The following TMEM229B variants were observed in gnomAD, a reference collection of about 807,000 sequenced individuals.
The protein encoded by TMEM229B is transmembrane protein 229B, also known as chromosome 14 open reading frame 83.
TMEM229B carries 6 observed loss-of-function variants against 13.7 expected under a neutral mutation model. That is an observed-to-expected ratio of 0.44 (90% CI 0.24 to 0.86). The LOEUF (loss-of-function observed/expected upper bound fraction) is 0.86. Ranked by LOEUF, TMEM229B falls within the 40% of genes least tolerant of loss-of-function variation. The pLI is 0.23. For missense variants in TMEM229B, 170 were observed against 236.0 expected, an observed-to-expected ratio of 0.72 and a Z score of 1.83; for synonymous variants, 107 against 102.1, an observed-to-expected ratio of 1.05 and a Z score of -0.29.
chr14:67,492,602 C>T (rs1003435192), upstream of TMEM229B, among the ~76,000 whole-genome samples: 38 of 152,164 alleles, frequency 2.5e-4, no homozygotes, highest in Non-Finnish European at 1.3e-4. Context: ...GTTGCCTCAC[C>T]AGGGAGGCAG....
rs535773922 is a variant in TMEM229B at position 67,512,553 on chromosome 14, A to G, written c.-192+2533T>C. Among the ~76,000 whole-genome samples the G allele has an allele frequency of 4.6e-5, 7 of 152,300 alleles. No individual in the cohort carries two copies. The South Asian group carries it at 1.2e-3, about 27-fold the overall frequency. On this transcript the variant is annotated intron_variant, in intron 1 of 2. Transcript: ENST00000357461. ...AGGGAGATGGGGGAGGAGAAAAGTA[A>G]AAGCATACAAACTTGAAAACAGCCA...
upstream of TMEM229B, among the ~76,000 whole-genome samples, chr14:67,493,475 T>C (rs2032246849): frequency 6.6e-6 from 1 of 152,236 alleles, no homozygotes; most frequent in South Asian, 2.1e-4. Context: ...TTGTTCAGTG[T>C]GCTCTCGTGA....
chr14:67,487,813 T>C (rs1388821262), intron 1 of TMEM229B, among the ~76,000 whole-genome samples: 2 of 151,544 alleles, frequency 1.3e-5, no homozygotes, highest in Non-Finnish European at 1.5e-5. Flanking sequence ...AAAAATCAAG[T>C]AGAGACGGGT....
At chr14:67,496,834 G>T (rs943688397) in intron 1 of TMEM229B, among the ~76,000 whole-genome samples, 1 of 140,104 alleles carries the variant, frequency 7.1e-6, no homozygotes, top group Non-Finnish European at 1.5e-5. Context: ...TTTCATTCTT[G>T]TTGCCCAGGC....
intron 1 of TMEM229B, among the ~76,000 whole-genome samples, chr14:67,497,744 G>T (rs911337664): frequency 6.6e-6 from 1 of 151,976 alleles, no homozygotes; most frequent in Admixed American, 6.6e-5. Context: ...ACCAGGAATG[G>T]TTCAGCATTT....
At chr14:67,503,548 T>C (rs1037400823) in intron 1 of TMEM229B, 1 of 152,208 alleles carries the variant, frequency 6.6e-6, no homozygotes, top group African/African-American at 2.4e-5. Context: ...GGCTGCCCAC[T>C]GCCCTGCGGG....
rs369450683 is a variant in TMEM229B at position 67,483,199 on chromosome 14, C to T, written c.-19+3801G>A. Among the ~76,000 whole-genome samples, 6 of 152,154 alleles carry T rather than the reference C, an allele frequency of 3.9e-5. No individual in the cohort carries two copies. The South Asian group carries it at 6.2e-4, about 16-fold the overall frequency. ...CTAATTTTTGTATTTTTAGTAAAGA[C>T]GAGGTTTCACCATGTTGGCCAGGCT... On this transcript the variant is annotated intron_variant, in intron 2 of 2. Transcript: ENST00000554480.
At chr14:67,483,387 C>T (rs1363019490) in intron 2 of TMEM229B, among the ~76,000 whole-genome samples, 1 of 152,202 alleles carries the variant, frequency 6.6e-6, no homozygotes, top group Non-Finnish European at 1.5e-5. Context: ...GTCTTTGCTC[C>T]TAATCAGCAC....
chr14:67,478,855 C>G (rs1005408046), intron 2 of TMEM229B, among the ~76,000 whole-genome samples: 6 of 152,216 alleles, frequency 3.9e-5, no homozygotes, highest in Admixed American at 3.9e-4. Context: ...CTGGATTCAT[C>G]TGAACGCCAG....
At chr14:67,481,924 A>T (rs897698526) in intron 2 of TMEM229B, among the ~76,000 whole-genome samples, 1 of 152,236 alleles carries the variant, frequency 6.6e-6, no homozygotes, top group Non-Finnish European at 1.5e-5. Context: ...AGGACAGCCC[A>T]GGAACAGAAA....
chr14:67,475,768 C>A (rs1412758229), intron 2 of TMEM229B, among the ~76,000 whole-genome samples: 1 of 152,176 alleles, frequency 6.6e-6, no homozygotes, highest in Admixed American at 6.5e-5. Context: ...TCTTCAACGC[C>A]CGGCTCCCAT....
chr14:67,532,188 G>GTT (rs2140290151), intron 1 of TMEM229B, among the ~76,000 whole-genome samples: 1 of 152,240 alleles, frequency 6.6e-6, no homozygotes, highest in East Asian at 1.9e-4. Context: ...AAACTTCTAC[G>GTT]TGAGAATGGC....
intron 1 of TMEM229B, among the ~76,000 whole-genome samples, chr14:67,513,989 C>T (rs953364141): frequency 4.6e-5 from 7 of 152,184 alleles, no homozygotes; most frequent in Non-Finnish European, 8.8e-5. Context: ...CCCTTGATCC[C>T]TCTTCCTGGT....
intron 2 of TMEM229B, among the ~76,000 whole-genome samples, chr14:67,478,342 C>A (rs887370930): frequency 1.3e-5 from 2 of 152,208 alleles, no homozygotes; most frequent in Admixed American, 1.3e-4. Context: ...TAACTCCCAC[C>A]CTTACCACCT....
At position 67,504,463 on chromosome 14, in the gene TMEM229B, G is replaced by GT. The variant is rs566469283; in HGVS notation, c.-192+10622dup. Among the ~76,000 whole-genome samples the GT allele has an allele frequency of 1.2e-4, 18 of 151,054 alleles. 1 individual carries two copies. The South Asian group carries it at 2.1e-3, about 18-fold the overall frequency. ...GTCACTAACCTTTTCATTTAAGTCAGTTTTTTTTTCAGTTATATATGTACT... is the reference window on the plus strand; with the variant it reads ...GTCACTAACCTTTTCATTTAAGTCAGTTTTTTTTTTCAGTTATATATGTACT... On this transcript the variant is annotated intron_variant, in intron 1 of 2. Transcript: ENST00000357461.
chr14:67,494,399 C>G (rs2032286626), intron 1 of TMEM229B, among the ~76,000 whole-genome samples: 1 of 152,178 alleles, frequency 6.6e-6, no homozygotes, highest in African/African-American at 2.4e-5. Context: ...GGTCACAGTG[C>G]TAGTAAGGGC....
intron 1 of TMEM229B, among the ~76,000 whole-genome samples, chr14:67,506,943 C>G (rs1476405678): frequency 6.6e-6 from 1 of 152,108 alleles, no homozygotes; most frequent in Non-Finnish European, 1.5e-5. Flanking sequence ...GAGATCGTGC[C>G]ACTGCATTCC....
chr14:67,472,233 A>G lies in TMEM229B; in HGVS notation c.*1187T>C, dbSNP rs1410286529. 1 of 152,402 alleles carries G rather than the reference A, an allele frequency of 6.6e-6. No homozygotes were observed. The highest frequency in any genetic ancestry group is 1.5e-5 in the Non-Finnish European group (1 of 68,158). The allele number at this position is 152,402 out of a possible 1,614,324, so 9.4% of individuals were successfully genotyped here. A position where few individuals can be genotyped will look rare whatever the true frequency, so the allele number is the denominator to read the frequency against. ...CAAAGGAGGCTCCAAGGAGCCTTCC[A>G]CAGCTGCAAGGTCCTCCTCTCTTTC... On this transcript the variant is annotated 3_prime_UTR_variant, in exon 3 of 3. Coordinates refer to ENST00000554480, the MANE Select transcript of TMEM229B (RefSeq NM_001348543.2).
At position 67,500,761 on chromosome 14, in the gene TMEM229B, C is replaced by T. The variant is rs968362831; in HGVS notation, c.-191-13589G>A. ...TAATTTTTTGTATTTTTACTAGAGA[C>T]GGGGTTTCACCGTGTTAGCCAGGAT... On this transcript the variant is annotated intron_variant, in intron 1 of 2. Transcript: ENST00000357461. Among the ~76,000 whole-genome samples the T allele has an allele frequency of 7.9e-5, 12 of 151,604 alleles. No individual in the cohort carries two copies. In the East Asian group the frequency reaches 1.6e-3, roughly 20 times the overall value.
Sources: gnomAD v4.1 joint callset for allele counts (sites outside exome capture counted in the v4.1 genomes callset) on GRCh38, gnomAD v4.1.1 for gene constraint, MANE v1.5 for transcripts, NCBI Gene and HGNC (gene_info 2026-07-23, HGNC 2026-07-21) for gene names.